KCNH7: variants seen among roughly 807,000 people sequenced by gnomAD.
KCNH7 encodes potassium voltage-gated channel subfamily H member 7, also known as voltage-gated inwardly rectifying potassium channel KCNH7.
A neutral mutation model predicts 120.8 loss-of-function variants in KCNH7; 49 were observed. That is an observed-to-expected ratio of 0.41 (90% CI 0.32 to 0.51). The LOEUF (loss-of-function observed/expected upper bound fraction) is 0.51, where lower values mean the gene tolerates loss of function less well. Ranked by LOEUF, KCNH7 falls within the 20% of genes least tolerant of loss-of-function variation. The pLI, the probability that KCNH7 is intolerant of heterozygous loss-of-function variation, is 0.38. For synonymous variants in KCNH7, 547 were observed against 516.1 expected (o/e 1.06, Z -0.81); for missense variants, 1,097 against 1,446.6 (o/e 0.76, Z 3.92).
chr2:162,694,503 TGTGA>T (rs1686221546), intron 2 of KCNH7, among the ~76,000 whole-genome samples: 1 of 151,776 alleles, frequency 6.6e-6, no homozygotes, highest in African/African-American at 2.4e-5. Context: ...TGTGTGTGTG[TGTGA>T]TCCTCACATG....
intron 2 of KCNH7, among the ~76,000 whole-genome samples, chr2:162,785,448 T>C (rs974047946): frequency 1.2e-4 from 19 of 152,218 alleles, no homozygotes; most frequent in African/African-American, 4.6e-4. Context: ...TGTTACTATA[T>C]CATGACCACT....
intron 12 of KCNH7, among the ~76,000 whole-genome samples, chr2:162,385,622 A>G (rs1686550289): frequency 6.6e-6 from 1 of 151,956 alleles, no homozygotes. Context: ...GTGTTAGAAC[A>G]TATTTCAGCA....
chr2:162,836,841 T>G (rs2105632082), intron 1 of KCNH7, 74 bp from the exon 2 acceptor site: 1 of 1,063,526 alleles, frequency 9.4e-7, no homozygotes, highest in Non-Finnish European at 1.4e-6. Context: ...AGCAATTTGT[T>G]GCATAATAAG....
At chr2:162,438,823 T>C (rs1688336283) in intron 7 of KCNH7, among the ~76,000 whole-genome samples, 1 of 152,188 alleles carries the variant, frequency 6.6e-6, no homozygotes, top group South Asian at 2.1e-4. Flanking sequence ...CTTTCCTGCT[T>C]ATTATTTTAA....
intron 2 of KCNH7, among the ~76,000 whole-genome samples, chr2:162,605,060 A>G (rs1190682521): frequency 2.6e-5 from 4 of 152,154 alleles, no homozygotes; most frequent in African/African-American, 9.6e-5. Context: ...CAATGAGATT[A>G]TAAATTATTG....
At position 162,633,978 on chromosome 2, in the gene KCNH7, C is replaced by T. The variant is rs556184580; in HGVS notation, c.308-96898G>A. On this transcript the variant is annotated intron_variant, in intron 2 of 15. Coordinates refer to ENST00000332142, the MANE Select transcript of KCNH7 (RefSeq NM_033272.4). ...TAACTTATATAAGTTTGACAATTTT[C>T]TTTACATAGATCCTTACCATTTATT... Among the ~76,000 whole-genome samples, 5 of 152,050 alleles carry T rather than the reference C, an allele frequency of 3.3e-5. No homozygotes were observed. The South Asian group carries it at 6.2e-4, about 19-fold the overall frequency.
At position 162,626,995 on chromosome 2, in the gene KCNH7, T is replaced by A. The variant is rs1338930009; in HGVS notation, c.308-89915A>T. Reference sequence around the variant, plus strand: ...TTCTACATCGTGGCAATTTGTAAGATCATGCTTATAGAATGCACTCCAATA... The same window carrying A: ...TTCTACATCGTGGCAATTTGTAAGAACATGCTTATAGAATGCACTCCAATA... On this transcript the variant is annotated intron_variant, in intron 2 of 15. Transcript: ENST00000332142. Among the ~76,000 whole-genome samples the A allele has an allele frequency of 2.0e-5, 3 of 152,198 alleles. No homozygotes were observed. In the East Asian group the frequency reaches 5.8e-4, roughly 29 times the overall value.
intron 2 of KCNH7, among the ~76,000 whole-genome samples, chr2:162,697,009 T>C (rs1329747641): frequency 1.3e-5 from 2 of 152,166 alleles, no homozygotes; most frequent in Admixed American, 1.3e-4. Context: ...TATTTAATAT[T>C]TCTGTATAAA....
At chr2:162,584,225 C>T (rs1693958785) in intron 2 of KCNH7, among the ~76,000 whole-genome samples, 1 of 152,052 alleles carries the variant, frequency 6.6e-6, no homozygotes, top group Admixed American at 6.6e-5. Context: ...ATGTAATTTA[C>T]ATTTTGTTTT....
chr2:162,503,178 G>A (rs894063298), intron 6 of KCNH7, among the ~76,000 whole-genome samples: 3 of 151,844 alleles, frequency 2.0e-5, no homozygotes, highest in Non-Finnish European at 2.9e-5. Context: ...GCACTTGCAG[G>A]GCCCTGATCC....
rs143514815 is a variant in KCNH7, at chr2:162,774,244, T to C, written c.307+62293A>G. Among the ~76,000 whole-genome samples the C allele has an allele frequency of 5.8e-3, 884 of 152,232 alleles. 11 individuals carry two copies. The highest frequency in any genetic ancestry group is 0.02 in the African/African-American group (831 of 41,490). On this transcript the variant is annotated intron_variant, in intron 2 of 15. Transcript: ENST00000332142. ...TTTCACTTTAAGCTTATTTTAAACT[T>C]GAGTCATTTAAACTTGTATTATTTA...
Position 162,836,619 on chromosome 2 carries a change from CT to C in KCNH7, c.224del (p.Lys75ArgfsTer38), listed in dbSNP as rs1559156682. 1 of 1,614,166 alleles carries C rather than the reference CT, an allele frequency of 6.2e-7. No homozygotes were observed. Among genetic ancestry groups the C allele is most frequent in the Non-Finnish European group, 8.5e-7 (1 of 1,180,034 alleles). On this transcript the variant is annotated frameshift_variant, in exon 2 of 16. Transcript: ENST00000332142. LOFTEE classifies it high-confidence loss of function. The stretch of plus-strand genomic sequence containing the variant: ...GGGCAATTTGGGCAATATCATGCCT[CT>C]TGGTCTCGGGTCCATGGAGAAAGTC... ...TCDFLHGPETKRHDIAQIAQA... is the reference protein window; with the variant it reads ...TCDFLHGPETXRHDIAQIAQA...
intron 2 of KCNH7, among the ~76,000 whole-genome samples, chr2:162,753,653 G>A (rs964911383): frequency 6.6e-6 from 1 of 151,980 alleles, no homozygotes; most frequent in Non-Finnish European, 1.5e-5. Context: ...CTTTAATTCT[G>A]TAATCTCTCG....
chr2:162,481,043 G>A (rs553042361), intron 6 of KCNH7, among the ~76,000 whole-genome samples: 1 of 152,116 alleles, frequency 6.6e-6, no homozygotes, highest in African/African-American at 2.4e-5. Flanking sequence ...TTTTAATGTC[G>A]ACAATGATTC....
intron 9 of KCNH7, among the ~76,000 whole-genome samples, chr2:162,402,153 G>A (rs1331776723): frequency 1.3e-5 from 2 of 151,252 alleles, no homozygotes; most frequent in Non-Finnish European, 3.0e-5. Context: ...CTTGATGGAA[G>A]ACCTCTCCTA....
intron 12 of KCNH7, 107 bp from the exon 13 acceptor site, chr2:162,385,046 A>C (rs1024443213): frequency 2.4e-6 from 2 of 826,844 alleles, no homozygotes; most frequent in Non-Finnish European, 3.6e-6. Flanking sequence ...GCTTTTTCCT[A>C]TTGAAAATGT....
chr2:162,835,590 C>A (rs1685633991), intron 2 of KCNH7, among the ~76,000 whole-genome samples: 1 of 151,498 alleles, frequency 6.6e-6, no homozygotes, highest in Non-Finnish European at 1.5e-5. Flanking sequence ...CCTTTAAGCC[C>A]TAGACAAATA....
chr2:162,542,385 T>G (rs1207827237), intron 2 of KCNH7, among the ~76,000 whole-genome samples: 1 of 145,424 alleles, frequency 6.9e-6, no homozygotes, highest in Non-Finnish European at 1.5e-5. Flanking sequence ...TATCTCCTAA[T>G]GCTATCCCTC....
At chr2:162,510,874 A>G (rs932647359) in intron 5 of KCNH7, among the ~76,000 whole-genome samples, 9 of 151,866 alleles carry the variant, frequency 5.9e-5, no homozygotes, top group African/African-American at 2.2e-4. Context: ...CCAGAGCTTG[A>G]AAAACGTAAT....
Sources: gnomAD v4.1 joint callset for allele counts (sites outside exome capture counted in the v4.1 genomes callset) on GRCh38, gnomAD v4.1.1 for gene constraint, MANE v1.5 for transcripts, NCBI Gene and HGNC (gene_info 2026-07-23, HGNC 2026-07-21) for gene names.